ROR1: variants seen among roughly 807,000 people sequenced by gnomAD.
ROR1 encodes ROR family WNT receptor 1, also known as inactive tyrosine-protein kinase transmembrane receptor ROR1.
In ROR1, 19 loss-of-function variants were observed where a neutral mutation model predicts 78.8. The ratio of observed to expected loss-of-function variants is 0.24; its 90% CI spans 0.17 to 0.35. The LOEUF is 0.35. ROR1 is among the 10% of genes least tolerant of loss of function. ROR1 has a pLI of 1.00. For synonymous variants in ROR1, 386 were observed against 433.6 expected (o/e 0.89, Z 1.36); for missense variants, 917 against 1,177.8 (o/e 0.78, Z 3.24).
At chr1:63,777,481 G>A (rs1644624640) in intron 1 of ROR1, among the ~76,000 whole-genome samples, 1 of 152,170 alleles carries the variant, frequency 6.6e-6, no homozygotes, top group South Asian at 2.1e-4. Flanking sequence ...AAAGGGTGTG[G>A]TCAAATTGTC....
intron 4 of ROR1, among the ~76,000 whole-genome samples, chr1:64,097,824 C>T (rs1647357100): frequency 6.6e-6 from 1 of 152,094 alleles, no homozygotes; most frequent in Non-Finnish European, 1.5e-5. Context: ...TCCAGAACCT[C>T]TGGAGGGTGA....
At chr1:64,007,051 A>G (rs74078183) in intron 1 of ROR1, among the ~76,000 whole-genome samples, 4,393 of 152,102 alleles carry the variant, frequency 0.029, 237 homozygotes, top group African/African-American at 0.1. Context: ...GCCAGGTTTT[A>G]CAGGCTTGAG....
intron 4 of ROR1, among the ~76,000 whole-genome samples, chr1:64,084,853 G>A (rs552074100): frequency 8.5e-5 from 13 of 152,196 alleles, no homozygotes; most frequent in Admixed American, 3.9e-4. Context: ...GCAGTGGGCT[G>A]TGCAGGTGTG....
intron 2 of ROR1, among the ~76,000 whole-genome samples, chr1:64,028,602 C>A (rs932384929): frequency 6.6e-6 from 1 of 151,926 alleles, no homozygotes; most frequent in Non-Finnish European, 1.5e-5. Flanking sequence ...CAATTGCCAT[C>A]CAGAAATGCT....
At chr1:64,049,632 G>T in intron 2 of ROR1, 59 bp from the exon 3 acceptor site, 1 of 1,505,674 alleles carries the variant, frequency 6.6e-7, no homozygotes, top group Non-Finnish European at 9.1e-7. Flanking sequence ...GGATTTGGCT[G>T]CTTGGAAGCC....
chr1:64,159,010 A>G lies in ROR1; in HGVS notation c.1204A>G (p.Met402Val), dbSNP rs1188652134. Residue 402 changes from methionine to valine, a missense_variant, in exon 8 of 9, where the codon ATG becomes GTG. Met to Val is a conservative substitution (Grantham distance 21). This residue lies in a region of ROR1 where 835 missense variants were observed against 1,069.8 expected (regional missense o/e 0.78). Transcript: ENST00000371079. ...AAAGGATTCCAAGGAGAAGAATAAA[A>G]TGGAAATCCTGTACATACTAGTGCC... ...DSKDSKEKNK[M>V]EILYILVPSV... 2 of 1,614,132 alleles carry G rather than the reference A, an allele frequency of 1.2e-6. No individual in the cohort carries two copies. The highest frequency in any genetic ancestry group is 1.3e-5 in the African/African-American group (1 of 75,066).
At chr1:64,102,885 C>T (rs1036732809) in intron 4 of ROR1, among the ~76,000 whole-genome samples, 2 of 152,128 alleles carry the variant, frequency 1.3e-5, no homozygotes, top group East Asian at 3.9e-4. Context: ...ATGCCAGCAA[C>T]CCCTTTCTCC....
Position 63,861,576 on chromosome 1 carries a change from C to T in ROR1, c.91+87068C>T, listed in dbSNP as rs190605607. 1.4e-3 allele frequency among the ~76,000 whole-genome samples: 211 copies of T among 152,244 alleles called. 1 individual carries two copies. Among genetic ancestry groups the T allele is most frequent in the African/African-American group, 4.7e-3 (196 of 41,546 alleles). The stretch of plus-strand genomic sequence containing the variant: ...TAGGAAATACCACTGCCACTGCAGC[C>T]GAGCACGTTGAACTGACTGTGCTCA... On this transcript the variant is annotated intron_variant, in intron 1 of 8. Transcript: ENST00000371079.
chr1:63,884,534 G>A (rs555591980), intron 1 of ROR1, among the ~76,000 whole-genome samples: 41 of 152,310 alleles, frequency 2.7e-4, no homozygotes, highest in Non-Finnish European at 4.0e-4. Flanking sequence ...CAGCTAGTTG[G>A]TGACAGGGAC....
intron 7 of ROR1, among the ~76,000 whole-genome samples, chr1:64,145,338 A>T (rs1649445600): frequency 6.6e-6 from 1 of 152,218 alleles, no homozygotes; most frequent in Non-Finnish European, 1.5e-5. Flanking sequence ...CATAAGAAAA[A>T]GTTTTAAAAA....
intron 4 of ROR1, among the ~76,000 whole-genome samples, chr1:64,129,098 A>G (rs777336415): frequency 3.3e-5 from 5 of 152,328 alleles, no homozygotes; most frequent in Non-Finnish European, 7.4e-5. Flanking sequence ...CATTAAACTC[A>G]CCATTGCTTT....
At chr1:64,150,351 CA>C (rs1370321384) in intron 7 of ROR1, among the ~76,000 whole-genome samples, 3 of 152,254 alleles carry the variant, frequency 2.0e-5, no homozygotes, top group African/African-American at 7.2e-5. Flanking sequence ...AACAATTTGC[CA>C]AAGGGCGCAT....
At position 64,049,871 on chromosome 1, in the gene ROR1, G is replaced by A. The variant is rs757219208; in HGVS notation, c.344G>A (p.Arg115Gln). Residue 115 changes from arginine to glutamine, a missense_variant, in exon 3 of 9, where the codon CGG (arginine) becomes CAG (glutamine). This residue lies in a region of ROR1 where 835 missense variants were observed against 1,069.8 expected (regional missense o/e 0.78). Coordinates refer to ENST00000371079, the MANE Select transcript of ROR1 (RefSeq NM_005012.4). ...LSFRSTIYGS[R>Q]LRIRNLDTTD... ...TTTCGGTCCACCATCTATGGCTCTC[G>A]GCTGCGGATTAGAAACCTCGACACC... 4.3e-6 allele frequency: 7 copies of A among 1,614,164 alleles called. No individual in the cohort carries two copies. The highest frequency in any genetic ancestry group is 2.2e-5 in the East Asian group (1 of 44,882).
At chr1:64,031,450 T>C (rs941576917) in intron 2 of ROR1, among the ~76,000 whole-genome samples, 1 of 152,216 alleles carries the variant, frequency 6.6e-6, no homozygotes, top group East Asian at 1.9e-4. Flanking sequence ...AATGTTCTGA[T>C]GTAGCTGCCA....
Position 64,067,710 on chromosome 1 carries a change from C to CTTTTTTTTTTTTTTTTTTTT in ROR1, c.482+16995_482+17014dup, listed in dbSNP as rs986756579. Among the ~76,000 whole-genome samples the CTTTTTTTTTTTTTTTTTTTT allele has an allele frequency of 2.3e-4, 24 of 105,644 alleles. 2 individuals are homozygous for CTTTTTTTTTTTTTTTTTTTT. Among genetic ancestry groups the CTTTTTTTTTTTTTTTTTTTT allele is most frequent in the African/African-American group, 7.7e-4 (18 of 23,500 alleles). The allele number at this position is 105,644 out of a possible 152,430, so 69.3% of individuals were successfully genotyped here. On this transcript the variant is annotated intron_variant, in intron 4 of 8. Coordinates refer to ENST00000371079, the MANE Select transcript of ROR1 (RefSeq NM_005012.4). ...TATTTCTATCCAAGTTAAATAAATTCTTTTTTTTTTTTTTTTTTTTGAGAC... is the reference window on the plus strand; with the variant it reads ...TATTTCTATCCAAGTTAAATAAATTCTTTTTTTTTTTTTTTTTTTTTTTTTTTTTTTTTTTTTTTTGAGAC...
chr1:64,127,213 T>G (rs1238973004), intron 4 of ROR1, among the ~76,000 whole-genome samples: 1 of 152,212 alleles, frequency 6.6e-6, no homozygotes, highest in Middle Eastern at 3.2e-3. Flanking sequence ...ATCATATATG[T>G]ACACATTTCA....
chr1:63,837,085 G>C (rs1265590000), intron 1 of ROR1, among the ~76,000 whole-genome samples: 1 of 152,132 alleles, frequency 6.6e-6, no homozygotes, highest in East Asian at 1.9e-4. Flanking sequence ...TCAAGCGTCT[G>C]TACTTTCCAC....
intron 7 of ROR1, among the ~76,000 whole-genome samples, chr1:64,149,236 T>C (rs1274804477): frequency 6.6e-6 from 1 of 152,196 alleles, no homozygotes; most frequent in Non-Finnish European, 1.5e-5. Flanking sequence ...CATCTCCATT[T>C]TCCTAAAGGA....
chr1:64,042,700 A>T (rs1183563219), intron 2 of ROR1, among the ~76,000 whole-genome samples: 2 of 152,128 alleles, frequency 1.3e-5, no homozygotes. Context: ...TTTTCGGCTG[A>T]TTTTATTAAA....
Sources: allele counts gnomAD v4.1 joint callset (sites outside exome capture counted in the v4.1 genomes callset), GRCh38; gene constraint gnomAD v4.1.1; regional missense constraint gnomAD v4.1.1; transcripts MANE v1.5; gene names NCBI Gene and HGNC (gene_info 2026-07-23, HGNC 2026-07-21).